The following SCGB2B2 variants were observed in gnomAD, a reference collection of about 807,000 sequenced individuals.
SCGB2B2 encodes the protein secretoglobin-like protein.
SCGB2B2 carries 11 observed loss-of-function variants against 7.6 expected under a neutral mutation model. The observed-to-expected ratio is 1.45, with a 90% CI of 0.91 to 2.40. SCGB2B2 has a LOEUF of 2.40. Among genes scored for constraint, SCGB2B2 ranks in the 30% most tolerant of loss-of-function variants. The pLI is 0.00. For missense variants in SCGB2B2, 104 were observed against 115.4 expected, an observed-to-expected ratio of 0.90 and a Z score of 0.45; for synonymous variants, 50 against 48.6, an observed-to-expected ratio of 1.03 and a Z score of -0.12.
intron 1 of SCGB2B2, among the ~76,000 whole-genome samples, chr19:34,640,213 C>T (rs528201640): frequency 2.6e-5 from 4 of 152,306 alleles, no homozygotes; most frequent in African/African-American, 9.6e-5. Context: ...GGGATCCCCC[C>T]ACCTCAGCCT....
At chr19:34,607,667 G>A (rs527854055) in intron 1 of SCGB2B2, among the ~76,000 whole-genome samples, 1 of 152,238 alleles carries the variant, frequency 6.6e-6, no homozygotes, top group Non-Finnish European at 1.5e-5. Context: ...GTGGTATGTT[G>A]TGGTTTTGAT....
chr19:34,664,171 C>T (rs961983624), intron 1 of SCGB2B2, among the ~76,000 whole-genome samples: 1 of 152,222 alleles, frequency 6.6e-6, no homozygotes, highest in Non-Finnish European at 1.5e-5. Context: ...AAAAGCAAAG[C>T]AGTTGAGCTG....
intron 1 of SCGB2B2, among the ~76,000 whole-genome samples, chr19:34,634,231 T>C (rs2066614044): frequency 6.6e-6 from 1 of 152,180 alleles, no homozygotes; most frequent in African/African-American, 2.4e-5. Flanking sequence ...ATGAATCACA[T>C]GCAGTATGTG....
At chr19:34,641,865 A>G (rs991017307) in intron 1 of SCGB2B2, among the ~76,000 whole-genome samples, 1 of 152,210 alleles carries the variant, frequency 6.6e-6, no homozygotes, top group Non-Finnish European at 1.5e-5. Flanking sequence ...GATCTAGGAA[A>G]GATTAGCTAA....
intron 1 of SCGB2B2, among the ~76,000 whole-genome samples, chr19:34,674,889 C>T (rs536603463): frequency 6.6e-6 from 1 of 152,164 alleles, no homozygotes; most frequent in South Asian, 2.1e-4. Context: ...AAGTGGGAAA[C>T]GATCTTAATA....
chr19:34,668,497 G>A (rs1330905408), intron 1 of SCGB2B2, among the ~76,000 whole-genome samples: 2 of 152,192 alleles, frequency 1.3e-5, no homozygotes, highest in Admixed American at 1.3e-4. Context: ...ATAGCGCCCA[G>A]TCCCATCGAC....
At chr19:34,626,329 G>A (rs571825270) in intron 1 of SCGB2B2, among the ~76,000 whole-genome samples, 5 of 152,146 alleles carry the variant, frequency 3.3e-5, no homozygotes, top group Admixed American at 6.6e-5. Context: ...GAGGAAGTTC[G>A]AACCCATGGC....
Position 34,642,497 on chromosome 19 carries a change from C to T in SCGB2B2, c.-2032+33133G>A, listed in dbSNP as rs368519767. Among the ~76,000 whole-genome samples, 8 of 152,032 alleles carry T rather than the reference C, an allele frequency of 5.3e-5. No homozygotes were observed. In the East Asian group the frequency reaches 5.8e-4, roughly 11 times the overall value. ...TTGGGAGGCCAAGGCAGGTGACTCA[C>T]GAGGTCAGGAGTTCAAGACTAGCCT... On this transcript the variant is annotated intron_variant, in intron 1 of 3. Coordinates refer to ENST00000601241, the MANE Select transcript of SCGB2B2 (RefSeq NM_001025591.4).
intron 1 of SCGB2B2, among the ~76,000 whole-genome samples, chr19:34,607,460 A>G (rs931189280): frequency 1.2e-4 from 19 of 152,262 alleles, no homozygotes; most frequent in Non-Finnish European, 2.5e-4. Flanking sequence ...CTTTAGATAT[A>G]TACCCAGAAG....
At position 34,655,053 on chromosome 19, in the gene SCGB2B2, C is replaced by T. The variant is rs983428727; in HGVS notation, c.-2032+20577G>A. Among the ~76,000 whole-genome samples, 92 of 151,312 alleles carry T rather than the reference C, an allele frequency of 6.1e-4. 1 individual carries two copies. Among genetic ancestry groups the T allele is most frequent in the Non-Finnish European group, 1.9e-4 (13 of 68,042 alleles). ...GTGTCCCTGCAGGAAGGAAATGGCA[C>T]ACTCATGCAGGACATAGGACAAGAG... On this transcript the variant is annotated intron_variant, in intron 1 of 3. Coordinates refer to ENST00000601241, the MANE Select transcript of SCGB2B2 (RefSeq NM_001025591.4).
intron 1 of SCGB2B2, among the ~76,000 whole-genome samples, chr19:34,623,896 C>A (rs1006291099): frequency 6.6e-6 from 1 of 152,192 alleles, no homozygotes; most frequent in Non-Finnish European, 1.5e-5. Flanking sequence ...GAGGACAGTA[C>A]TGAGCCTAGA....
intron 1 of SCGB2B2, among the ~76,000 whole-genome samples, chr19:34,607,278 AAGAT>A (rs770528419): frequency 4.9e-4 from 75 of 152,252 alleles, no homozygotes; most frequent in African/African-American, 9.4e-4. Context: ...AAAACATAGA[AAGAT>A]AGATGGATGG....
intron 1 of SCGB2B2, among the ~76,000 whole-genome samples, chr19:34,618,346 T>G (rs944032375): frequency 2.0e-5 from 3 of 152,258 alleles, no homozygotes; most frequent in African/African-American, 7.2e-5. Flanking sequence ...AATTTTCTGT[T>G]GAACAGCAGA....
At chr19:34,672,359 A>G (rs1410118770) in intron 1 of SCGB2B2, among the ~76,000 whole-genome samples, 3 of 150,084 alleles carry the variant, frequency 2.0e-5, no homozygotes, top group Non-Finnish European at 3.0e-5. Flanking sequence ...GATCTTTACT[A>G]TTTCCTTCTT....
intron 1 of SCGB2B2, among the ~76,000 whole-genome samples, chr19:34,650,114 A>C (rs2067126072): frequency 6.6e-6 from 1 of 151,332 alleles, no homozygotes; most frequent in Non-Finnish European, 1.5e-5. Context: ...AGGTCAGAGG[A>C]CAGAAAATCT....
At chr19:34,617,685 T>C (rs1305688610) in intron 1 of SCGB2B2, among the ~76,000 whole-genome samples, 2 of 152,224 alleles carry the variant, frequency 1.3e-5, no homozygotes, top group Admixed American at 6.5e-5. Context: ...ATTTCGTTCT[T>C]CTGCCTCATT....
At chr19:34,588,989 G>C (rs1458494466), downstream of SCGB2B2, among the ~76,000 whole-genome samples, 1 of 152,174 alleles carries the variant, frequency 6.6e-6, no homozygotes, top group Non-Finnish European at 1.5e-5. Context: ...AGGTCTCAAG[G>C]TCAGCAGGCT....
chr19:34,614,239 T>G (rs2066008913), intron 1 of SCGB2B2, among the ~76,000 whole-genome samples: 1 of 152,182 alleles, frequency 6.6e-6, no homozygotes, highest in Non-Finnish European at 1.5e-5. Flanking sequence ...ACTTCTGAGT[T>G]CCAACATTTA....
chr19:34,612,228 C>T lies in SCGB2B2; in HGVS notation c.-2031-15634G>A, dbSNP rs1010584903. Among the ~76,000 whole-genome samples the T allele has an allele frequency of 4.7e-5, 7 of 149,730 alleles. No individual in the cohort carries two copies. The South Asian group carries it at 6.4e-4, about 14-fold the overall frequency. On this transcript the variant is annotated intron_variant, in intron 1 of 3. Transcript: ENST00000601241. Reference sequence around the variant, plus strand: ...TAATTTTTTGTATTTCAGTAGAGACCGGGTTTCACTATGTTGGCCAGGATG... The same window carrying T: ...TAATTTTTTGTATTTCAGTAGAGACTGGGTTTCACTATGTTGGCCAGGATG...
Sources: gnomAD v4.1 joint callset for allele counts (sites outside exome capture counted in the v4.1 genomes callset) on GRCh38, gnomAD v4.1.1 for gene constraint, MANE v1.5 for transcripts, NCBI Gene and HGNC (gene_info 2026-07-23, HGNC 2026-07-21) for gene names.